The following PDE11A variants were observed in gnomAD, a reference collection of about 807,000 sequenced individuals.
The protein encoded by PDE11A is dual 3',5'-cyclic-AMP and -GMP phosphodiesterase 11A.
In PDE11A, 100 loss-of-function variants were observed where a neutral mutation model predicts 100.5. The observed-to-expected ratio is 1.00, with a 90% CI of 0.85 to 1.18. The LOEUF (loss-of-function observed/expected upper bound fraction) is 1.18. Among genes scored for constraint, PDE11A ranks in the 50% most tolerant of loss-of-function variants. The pLI, the probability that PDE11A is intolerant of heterozygous loss-of-function variation, is 0.00. For missense variants in PDE11A, 1,141 were observed against 1,152.6 expected, an observed-to-expected ratio of 0.99 and a Z score of 0.15; for synonymous variants, 381 against 420.8, an observed-to-expected ratio of 0.91 and a Z score of 1.16.
At chr2:177,640,873 G>T (rs1559122098) in intron 19 of PDE11A, among the ~76,000 whole-genome samples, 1 of 152,100 alleles carries the variant, frequency 6.6e-6, no homozygotes, top group Non-Finnish European at 1.5e-5. Context: ...AGAAATCCAT[G>T]GGTCATCCAT....
rs1278469922 is a variant in PDE11A at position 177,626,025 on chromosome 2, G to A, written c.*3382C>T. The A allele has an allele frequency of 6.6e-6, 1 of 152,616 alleles. No individual in the cohort carries two copies. Among genetic ancestry groups the A allele is most frequent in the East Asian group, 1.9e-4 (1 of 5,194 alleles). The allele number at this position is 152,616 out of a possible 1,614,324, so 9.5% of individuals were successfully genotyped here. ...ACAAACAGCTACTAGATTGATGGTT[G>A]ACATTGTCAGGGCTCCACTGTATGG... On this transcript the variant is annotated 3_prime_UTR_variant, in exon 20 of 20. Coordinates refer to ENST00000286063, the MANE Select transcript of PDE11A (RefSeq NM_016953.4).
intron 10 of PDE11A, among the ~76,000 whole-genome samples, chr2:177,731,118 C>CT (rs767749536): frequency 2.6e-5 from 4 of 152,118 alleles, no homozygotes; most frequent in Non-Finnish European, 4.4e-5. Context: ...GACAGGTTTT[C>CT]TTTTTTTTAA....
At chr2:178,026,558 G>A (rs1356558637) in intron 1 of PDE11A, among the ~76,000 whole-genome samples, 2 of 151,796 alleles carry the variant, frequency 1.3e-5, no homozygotes, top group East Asian at 3.9e-4. Context: ...CTACTCAGGA[G>A]GCTGAGGCAG....
intron 7 of PDE11A, among the ~76,000 whole-genome samples, chr2:177,819,427 A>G (rs2083098351): frequency 6.6e-6 from 1 of 152,062 alleles, no homozygotes; most frequent in Non-Finnish European, 1.5e-5. Flanking sequence ...TTAGGAAAAA[A>G]AGTCACATTT....
At chr2:178,037,730 A>G (rs530929388) in intron 1 of PDE11A, among the ~76,000 whole-genome samples, 2 of 152,294 alleles carry the variant, frequency 1.3e-5, no homozygotes, top group Non-Finnish European at 2.9e-5. Flanking sequence ...AGGGACATGG[A>G]TGAAGCTGGA....
At chr2:177,922,874 A>T (rs2085073548) in intron 2 of PDE11A, 2 of 962,068 alleles carry the variant, frequency 2.1e-6, no homozygotes. Context: ...GCCCATGTAC[A>T]ACTAAGTTGT....
chr2:177,790,773 G>C (rs376178920), intron 9 of PDE11A, among the ~76,000 whole-genome samples: 28 of 152,140 alleles, frequency 1.8e-4, no homozygotes, highest in African/African-American at 6.5e-4. Context: ...GCAGCCAAAA[G>C]ACGCATGAAA....
chr2:177,669,601 G>C (rs761569107), intron 17 of PDE11A, 34 bp from the exon 18 acceptor site: 7 of 922,176 alleles, frequency 7.6e-6, no homozygotes, highest in Non-Finnish European at 1.3e-5. Flanking sequence ...CTGTGATTAT[G>C]TGTAGTTTAT....
intron 2 of PDE11A, chr2:177,997,385 G>A: frequency 2.4e-6 from 2 of 825,296 alleles, no homozygotes; most frequent in Non-Finnish European, 4.3e-6. Context: ...ACCTGAAGTT[G>A]TATATTCACT....
At chr2:177,838,567 G>T (rs2083440846) in intron 6 of PDE11A, among the ~76,000 whole-genome samples, 1 of 152,104 alleles carries the variant, frequency 6.6e-6, no homozygotes, top group African/African-American at 2.4e-5. Context: ...CTGACAGGGG[G>T]CACTATTTTG....
intron 2 of PDE11A, among the ~76,000 whole-genome samples, chr2:177,985,224 C>CT (rs1389155963): frequency 2.0e-5 from 3 of 151,968 alleles, no homozygotes; most frequent in Non-Finnish European, 4.4e-5. Flanking sequence ...TAATATAGTG[C>CT]TTTTTTTTCT....
chr2:177,703,206 T>G (rs1254677617), intron 13 of PDE11A, among the ~76,000 whole-genome samples: 1 of 152,172 alleles, frequency 6.6e-6, no homozygotes, highest in Non-Finnish European at 1.5e-5. Flanking sequence ...CTAATATTAT[T>G]ATTAATAAAG....
chr2:177,672,020 C>T (rs999587222), intron 17 of PDE11A, among the ~76,000 whole-genome samples: 2 of 152,154 alleles, frequency 1.3e-5, no homozygotes, highest in Non-Finnish European at 1.5e-5. Context: ...TCACACTCTC[C>T]ACCTCCTTCC....
intron 2 of PDE11A, among the ~76,000 whole-genome samples, chr2:177,996,586 T>C (rs561014248): frequency 3.3e-5 from 5 of 152,112 alleles, no homozygotes; most frequent in South Asian, 2.1e-4. Context: ...TATCATAATA[T>C]ATGGAAAAAA....
At chr2:177,716,003 A>G (rs1427481474) in intron 12 of PDE11A, among the ~76,000 whole-genome samples, 1 of 152,136 alleles carries the variant, frequency 6.6e-6, no homozygotes, top group Non-Finnish European at 1.5e-5. Context: ...ATCTAAACTC[A>G]TTTTCTCTGG....
rs559468227 is a variant in PDE11A at position 178,089,244 on chromosome 2, G to T, written c.162+15058C>A. On this transcript the variant is annotated intron_variant, in intron 2 of 20. Transcript: ENST00000358450. ...GCAGAACTAGTGAAGACGACTATGG[G>T]AGGTTGTTGGTGTTAGAGAAAAAAA... Among the ~76,000 whole-genome samples, 21 of 152,344 alleles carry T rather than the reference G, an allele frequency of 1.4e-4. 1 individual carries two copies. In the South Asian group the frequency reaches 3.3e-3, roughly 24 times the overall value.
At chr2:177,937,473 A>G (rs1489573712) in intron 2 of PDE11A, among the ~76,000 whole-genome samples, 2 of 151,858 alleles carry the variant, frequency 1.3e-5, no homozygotes, top group Non-Finnish European at 2.9e-5. Flanking sequence ...ACACACCACC[A>G]CACCCAACTA....
chr2:177,756,363 G>A (rs774132442), intron 10 of PDE11A, among the ~76,000 whole-genome samples: 2 of 152,158 alleles, frequency 1.3e-5, no homozygotes, highest in African/African-American at 2.4e-5. Context: ...GTTTTAAAGG[G>A]AAAGAAATTC....
chr2:177,635,473 G>C (rs976476980), intron 19 of PDE11A, among the ~76,000 whole-genome samples: 22 of 152,266 alleles, frequency 1.4e-4, no homozygotes, highest in Middle Eastern at 3.4e-3. Flanking sequence ...CATCTAGGTG[G>C]CCAAGGGACC....
Sources: allele counts gnomAD v4.1 joint callset (sites outside exome capture counted in the v4.1 genomes callset), GRCh38; gene constraint gnomAD v4.1.1; transcripts MANE v1.5; gene names NCBI Gene and HGNC (gene_info 2026-07-23, HGNC 2026-07-21).